Variants in KLF12 observed in about 807,000 individuals in gnomAD.
The protein encoded by KLF12 is Krueppel-like factor 12.
In KLF12, 9 loss-of-function variants were observed where a neutral mutation model predicts 37.8. That is an observed-to-expected ratio of 0.24 (90% CI 0.14 to 0.42). The LOEUF (loss-of-function observed/expected upper bound fraction) is 0.42, where lower values mean the gene tolerates loss of function less well. Among genes scored for constraint, KLF12 ranks in the 10% least tolerant of loss-of-function variants. KLF12 has a pLI of 1.00. For missense variants in KLF12, 411 were observed against 516.0 expected (o/e 0.80, Z 1.97); for synonymous variants, 208 against 202.1 (o/e 1.03, Z -0.25).
the KLF12 span, among the ~76,000 whole-genome samples, chr13:74,224,386 T>C: frequency 2.0e-5 from 3 of 152,172 alleles, no homozygotes; most frequent in Non-Finnish European, 4.4e-5. Context: ...ATCTATGACA[T>C]CCAGGATCTT....
intron 1 of KLF12, among the ~76,000 whole-genome samples, chr13:74,099,399 C>A (rs532066856): frequency 8.5e-5 from 13 of 152,268 alleles, no homozygotes; most frequent in African/African-American, 3.1e-4. Flanking sequence ...TCAACCTTCA[C>A]AAGCATATGA....
chr13:73,710,401 TG>T, intron 7 of KLF12, among the ~76,000 whole-genome samples: 1 of 151,764 alleles, frequency 6.6e-6, no homozygotes, highest in South Asian at 2.1e-4. Context: ...TGTGTGTGTG[TG>T]TGTGTGTGTG....
the KLF12 span, among the ~76,000 whole-genome samples, chr13:74,285,152 A>T: frequency 1.3e-5 from 2 of 151,928 alleles, no homozygotes; most frequent in African/African-American, 4.8e-5. Flanking sequence ...CTTAAATAAG[A>T]TCAAATGCCT....
chr13:74,006,125 A>G (rs531282778), intron 1 of KLF12, among the ~76,000 whole-genome samples: 2 of 152,326 alleles, frequency 1.3e-5, no homozygotes, highest in South Asian at 4.1e-4. Flanking sequence ...CATTGCTCAG[A>G]CATGTAATCA....
intron 1 of KLF12, among the ~76,000 whole-genome samples, chr13:74,089,141 T>C (rs537983338): frequency 4.6e-5 from 7 of 152,334 alleles, no homozygotes; most frequent in Non-Finnish European, 8.8e-5. Context: ...CACTATATGA[T>C]ATTCATTGCT....
At chr13:74,061,794 T>A (rs993113678) in intron 1 of KLF12, among the ~76,000 whole-genome samples, 5 of 152,202 alleles carry the variant, frequency 3.3e-5, no homozygotes, top group African/African-American at 1.2e-4. Context: ...TAAAGTATTG[T>A]AGAAATCAAG....
At chr13:73,711,294 C>A (rs1875379221) in intron 7 of KLF12, among the ~76,000 whole-genome samples, 1 of 152,214 alleles carries the variant, frequency 6.6e-6, no homozygotes, top group Admixed American at 6.5e-5. Flanking sequence ...GGCAGCCATA[C>A]TAAACTACAG....
chr13:73,847,552 C>A (rs9543472), intron 3 of KLF12, among the ~76,000 whole-genome samples: 99,277 of 151,952 alleles, frequency 0.65, 33,083 homozygotes, highest in Non-Finnish European at 0.73. Flanking sequence ...CAGTAGCACA[C>A]GGGCATTTTA....
In KLF12 at chr13:73,915,950, A is replaced by G. The variant is rs149023404; in HGVS notation, c.123+28031T>C. ...AAACTCAGCTCTCCACAAAGACTTG[A>G]GAAGGAAACTTGAGAAATCTCTTTT... is the stretch of plus-strand genomic sequence containing the variant. On this transcript the variant is annotated intron_variant, in intron 3 of 7. Transcript: ENST00000377669. Among the ~76,000 whole-genome samples the G allele has an allele frequency of 2.5e-3, 375 of 152,178 alleles. 2 individuals carry two copies. Among genetic ancestry groups the G allele is most frequent in the African/African-American group, 7.6e-3 (314 of 41,522 alleles).
intron 3 of KLF12, among the ~76,000 whole-genome samples, chr13:73,908,185 G>T (rs112471044): frequency 6.6e-6 from 1 of 151,906 alleles, no homozygotes; most frequent in Admixed American, 6.6e-5. Flanking sequence ...GGTGGATCAC[G>T]AGTTCAGGAG....
chr13:74,302,858 G>A, the KLF12 span, among the ~76,000 whole-genome samples: 6 of 152,056 alleles, frequency 3.9e-5, no homozygotes, highest in Admixed American at 3.3e-4. Flanking sequence ...AAAGAAAAGG[G>A]GAAATGAGTG....
chr13:74,172,142 GACACAC>G, the KLF12 span, among the ~76,000 whole-genome samples: 6 of 145,960 alleles, frequency 4.1e-5, no homozygotes, highest in South Asian at 2.3e-4. Flanking sequence ...TTTTCCTCAC[GACACAC>G]ACACACACAC....
chr13:73,817,341 A>G (rs1468522128), intron 4 of KLF12, among the ~76,000 whole-genome samples: 1 of 123,036 alleles, frequency 8.1e-6, no homozygotes, highest in Non-Finnish European at 1.9e-5. Context: ...AAAGAAAAAA[A>G]AGAAAAACAA....
the KLF12 span, among the ~76,000 whole-genome samples, chr13:74,276,217 G>A: frequency 1.3e-5 from 2 of 151,906 alleles, no homozygotes; most frequent in Non-Finnish European, 2.9e-5. Context: ...TTATAAGTAA[G>A]AACATGTGGT....
intron 5 of KLF12, among the ~76,000 whole-genome samples, chr13:73,808,666 T>C (rs1882773442): frequency 1.3e-5 from 2 of 152,280 alleles, no homozygotes; most frequent in African/African-American, 4.8e-5. Flanking sequence ...GCACCAGACA[T>C]TTAGGACAAA....
At chr13:74,134,456 G>GA (rs1466104026), upstream of KLF12, among the ~76,000 whole-genome samples, 2 of 151,994 alleles carry the variant, frequency 1.3e-5, no homozygotes, top group Non-Finnish European at 2.9e-5. Flanking sequence ...CGCAGAGGTA[G>GA]AAGGCAACAC....
At chr13:74,168,522 G>A in the KLF12 span, among the ~76,000 whole-genome samples, 1 of 152,202 alleles carries the variant, frequency 6.6e-6, no homozygotes, top group Non-Finnish European at 1.5e-5. Flanking sequence ...TCGACACAGA[G>A]ACCATGTGCC....
chr13:73,749,894 T>C (rs1878627851), intron 6 of KLF12, among the ~76,000 whole-genome samples: 1 of 152,202 alleles, frequency 6.6e-6, no homozygotes, highest in Non-Finnish European at 1.5e-5. Flanking sequence ...CTGCCTTCTG[T>C]GACATAAAGC....
chr13:74,041,499 CAAATT>C (rs1471670284), intron 1 of KLF12, among the ~76,000 whole-genome samples: 7 of 152,118 alleles, frequency 4.6e-5, no homozygotes, highest in Non-Finnish European at 7.4e-5. Flanking sequence ...GACTTACTCT[CAAATT>C]CAAGCATTGT....
Sources: allele counts gnomAD v4.1 joint callset (sites outside exome capture counted in the v4.1 genomes callset), GRCh38; gene constraint gnomAD v4.1.1; transcripts MANE v1.5; gene names NCBI Gene and HGNC (gene_info 2026-07-23, HGNC 2026-07-21).